XPO6: variants seen among roughly 807,000 people sequenced by gnomAD.
XPO6 encodes the protein exportin-6.
XPO6 carries 3 observed loss-of-function variants against 130.0 expected under a neutral mutation model. The ratio of observed to expected loss-of-function variants is 0.02; its 90% CI spans 0.01 to 0.06. The LOEUF is 0.06. Among genes scored for constraint, XPO6 ranks in the 10% least tolerant of loss-of-function variants. XPO6 has a pLI of 1.00. For missense variants in XPO6, 970 were observed against 1,393.0 expected (o/e 0.70, Z 4.83); for synonymous variants, 524 against 548.9 (o/e 0.95, Z 0.63).
intron 1 of XPO6, among the ~76,000 whole-genome samples, chr16:28,182,172 T>C (rs991693272): frequency 2.6e-5 from 4 of 152,168 alleles, no homozygotes; most frequent in African/African-American, 9.7e-5. Flanking sequence ...CCATCAACCA[T>C]GGACTGAGAC....
chr16:28,199,624 T>C (rs912095627), intron 1 of XPO6, among the ~76,000 whole-genome samples: 7 of 149,348 alleles, frequency 4.7e-5, no homozygotes, highest in African/African-American at 1.7e-4. Flanking sequence ...TAAAGTGCAA[T>C]GGTGCAATCT....
chr16:28,128,219 C>G (rs543198590), intron 12 of XPO6, among the ~76,000 whole-genome samples: 2 of 152,310 alleles, frequency 1.3e-5, no homozygotes, highest in African/African-American at 4.8e-5. Context: ...CTAAAACCTG[C>G]TCCTCCTCTG....
intron 6 of XPO6, among the ~76,000 whole-genome samples, chr16:28,165,033 A>G (rs2141842495): frequency 6.6e-6 from 1 of 152,300 alleles, no homozygotes; most frequent in South Asian, 2.1e-4. Flanking sequence ...CCTGGGCAAC[A>G]TGGCGAAACC....
chr16:28,177,012 T>G (rs2141864396), intron 3 of XPO6, among the ~76,000 whole-genome samples: 1 of 152,260 alleles, frequency 6.6e-6, no homozygotes, highest in Middle Eastern at 3.4e-3. Context: ...TACTTAACCC[T>G]AAAGTCAACC....
intron 6 of XPO6, among the ~76,000 whole-genome samples, chr16:28,158,475 A>C (rs2043217524): frequency 6.6e-6 from 1 of 152,160 alleles, no homozygotes; most frequent in Middle Eastern, 3.2e-3. Context: ...GCTTTGAAAA[A>C]TATAGTTATT....
At chr16:28,110,250 C>A (rs978703255) in intron 17 of XPO6, among the ~76,000 whole-genome samples, 16 of 152,234 alleles carry the variant, frequency 1.1e-4, no homozygotes, top group African/African-American at 3.9e-4. Flanking sequence ...TACTACACTG[C>A]AAACCCTTTC....
At chr16:28,131,835 A>G (rs976710127) in intron 12 of XPO6, among the ~76,000 whole-genome samples, 6 of 152,232 alleles carry the variant, frequency 3.9e-5, no homozygotes, top group Non-Finnish European at 8.8e-5. Flanking sequence ...AACTAACCCT[A>G]AACCCCAAGC....
At chr16:28,149,522 T>G (rs1433927971) in intron 8 of XPO6, among the ~76,000 whole-genome samples, 2 of 152,244 alleles carry the variant, frequency 1.3e-5, no homozygotes, top group Non-Finnish European at 2.9e-5. Context: ...AACCCCTGTA[T>G]TTTTATTCTA....
intron 4 of XPO6, among the ~76,000 whole-genome samples, chr16:28,172,222 C>T (rs1341654679): frequency 6.6e-6 from 1 of 152,110 alleles, no homozygotes; most frequent in Non-Finnish European, 1.5e-5. Context: ...AGCTTTGTAC[C>T]CAGGAAGCTT....
At chr16:28,190,942 TG>T (rs1246900285) in intron 1 of XPO6, among the ~76,000 whole-genome samples, 1 of 152,196 alleles carries the variant, frequency 6.6e-6, no homozygotes, top group Non-Finnish European at 1.5e-5. Flanking sequence ...TAGGTGAGTT[TG>T]GGTAAAGGGT....
intron 1 of XPO6, among the ~76,000 whole-genome samples, chr16:28,200,424 T>C (rs79490404): frequency 0.01 from 1,580 of 152,298 alleles, 14 homozygotes; most frequent in Non-Finnish European, 0.016. Flanking sequence ...TTCCTTTTTG[T>C]TGATGTCCTG....
intron 1 of XPO6, among the ~76,000 whole-genome samples, chr16:28,195,127 C>T (rs530536166): frequency 8.5e-5 from 13 of 152,098 alleles, no homozygotes; most frequent in Non-Finnish European, 1.6e-4. Flanking sequence ...ACAGGGATGG[C>T]AAGACAACTG....
chr16:28,103,858 G>A (rs1756823146), intron 21 of XPO6, among the ~76,000 whole-genome samples: 1 of 152,286 alleles, frequency 6.6e-6, no homozygotes, highest in South Asian at 2.1e-4. Flanking sequence ...AGGGAGGGTG[G>A]AAATCCCTCT....
At chr16:28,192,472 G>A (rs2043802826) in intron 1 of XPO6, among the ~76,000 whole-genome samples, 1 of 151,994 alleles carries the variant, frequency 6.6e-6, no homozygotes, top group South Asian at 2.1e-4. Context: ...CCCATTTCTA[G>A]TTGGCCTTGC....
At chr16:28,137,576 T>C (rs1191078643) in intron 9 of XPO6, among the ~76,000 whole-genome samples, 1 of 151,932 alleles carries the variant, frequency 6.6e-6, no homozygotes, top group African/African-American at 2.4e-5. Context: ...GTGATGAGAA[T>C]CAGTCTACAG....
intron 1 of XPO6, among the ~76,000 whole-genome samples, chr16:28,196,174 G>C (rs1359118477): frequency 1.3e-5 from 2 of 152,134 alleles, no homozygotes; most frequent in African/African-American, 4.8e-5. Flanking sequence ...TTTCTTCCTA[G>C]TGGCTGGGGC....
At chr16:28,130,481 A>C (rs895574325) in intron 12 of XPO6, among the ~76,000 whole-genome samples, 1 of 152,170 alleles carries the variant, frequency 6.6e-6, no homozygotes, top group Non-Finnish European at 1.5e-5. Context: ...GAAAAAATGT[A>C]CTCAGAGTTT....
At chr16:28,194,203 A>G (rs1203807351) in intron 1 of XPO6, among the ~76,000 whole-genome samples, 2 of 152,164 alleles carry the variant, frequency 1.3e-5, no homozygotes, top group African/African-American at 2.4e-5. Flanking sequence ...ATTTCACTAG[A>G]TATTTCACTG....
chr16:28,176,591 G>A (rs529208607), intron 3 of XPO6, among the ~76,000 whole-genome samples: 29 of 151,548 alleles, frequency 1.9e-4, no homozygotes, highest in African/African-American at 6.1e-4. Flanking sequence ...TCCGCCTCCC[G>A]GGTTCATGCC....
Sources: allele counts gnomAD v4.1 joint callset (sites outside exome capture counted in the v4.1 genomes callset), GRCh38; gene constraint gnomAD v4.1.1; transcripts MANE v1.5; gene names NCBI Gene and HGNC (gene_info 2026-07-23, HGNC 2026-07-21).